The following FAT3 variants were observed in gnomAD, a reference collection of about 807,000 sequenced individuals.
The protein encoded by FAT3 is protocadherin Fat 3.
Under a neutral mutation model 310.2 loss-of-function variants are expected in FAT3, and 95 were observed. That is an observed-to-expected ratio of 0.31 (90% confidence interval 0.26 to 0.36). The LOEUF (loss-of-function observed/expected upper bound fraction) is 0.36, where lower values mean the gene tolerates loss of function less well. Ranked by LOEUF, FAT3 falls within the 10% of genes least tolerant of loss-of-function variation. The probability of loss-of-function intolerance (pLI) is 1.00; values close to 1 mark genes in which losing one functional copy is unlikely to be tolerated. For missense variants in FAT3, 5,408 were observed against 5,715.6 expected, an observed-to-expected ratio of 0.95 and a Z score of 1.74; for synonymous variants, 2,314 against 2,192.9, an observed-to-expected ratio of 1.06 and a Z score of -1.54.
Position 92,806,487 on chromosome 11 carries a change from C to A in FAT3, c.9219C>A (p.Asn3073Lys). The change falls in exon 12 of 28, where the codon AAC becomes AAA. Residue 3073 changes from asparagine (N) to lysine (K), a missense_variant. This residue lies in a region of FAT3 where 4,588 missense variants were observed against 4,809.8 expected (regional missense o/e 0.95). Transcript: ENST00000525166. ...GATACTCACTCTATGGATCTGGAAA[C>A]AGTGAATTTTTTCTAGATCCAGAAA... ...YIRYSLYGSG[N>K]SEFFLDPESG... is the part of the protein sequence containing the mutation. 6.4e-7 allele frequency: 1 copy of A among 1,553,612 alleles called. No individual in the cohort carries two copies. The highest frequency in any genetic ancestry group is 8.7e-7 in the Non-Finnish European group (1 of 1,145,574).
intron 1 of FAT3, among the ~76,000 whole-genome samples, chr11:92,329,257 G>A (rs1013319460): frequency 2.0e-5 from 3 of 151,950 alleles, no homozygotes; most frequent in Non-Finnish European, 4.4e-5. Context: ...GGGTCATGGG[G>A]GTGGGTCCTT....
chr11:92,728,508 G>A (rs1945067467), intron 4 of FAT3, among the ~76,000 whole-genome samples: 1 of 152,156 alleles, frequency 6.6e-6, no homozygotes, highest in Non-Finnish European at 1.5e-5. Flanking sequence ...CCAGGTTTTG[G>A]TGGGGTTTTT....
intron 4 of FAT3, among the ~76,000 whole-genome samples, chr11:92,746,817 A>G (rs1176758258): frequency 3.3e-5 from 5 of 152,220 alleles, no homozygotes; most frequent in Non-Finnish European, 7.3e-5. Context: ...CCAATAGGGT[A>G]GTCATTAAAT....
chr11:92,226,420 C>T (rs1395731773), intron 1 of FAT3, among the ~76,000 whole-genome samples: 1 of 150,368 alleles, frequency 6.7e-6, no homozygotes, highest in East Asian at 2.0e-4. Flanking sequence ...GTGGCGGGGG[C>T]GTGCTTGGGG....
Position 92,799,558 on chromosome 11 carries a change from C to T in FAT3, c.6545C>T (p.Ala2182Val). Reference sequence around the variant, plus strand: ...CTTCCCATCACTATTGTCAACAAAGCAATGCCTGTGTTTGATAAGCCCTTT... The same window carrying T: ...CTTCCCATCACTATTGTCAACAAAGTAATGCCTGTGTTTGATAAGCCCTTT... Reference protein sequence around the residue: ...VELPITIVNKAMPVFDKPFYT... With the variant: ...VELPITIVNKVMPVFDKPFYT... The change falls in exon 10 of 28, where the codon GCA becomes GTA. Residue 2182 changes from alanine to valine, a missense_variant. Coordinates refer to ENST00000525166, the MANE Select transcript of FAT3 (RefSeq NM_001367949.2). 1 of 1,613,784 alleles carries T rather than the reference C, an allele frequency of 6.2e-7. No individual in the cohort carries two copies. The highest frequency in any genetic ancestry group is 8.5e-7 in the Non-Finnish European group (1 of 1,179,848).
chr11:92,835,546 CA>C (rs952478971), intron 15 of FAT3, among the ~76,000 whole-genome samples: 55 of 152,086 alleles, frequency 3.6e-4, no homozygotes, highest in Middle Eastern at 6.8e-3. Flanking sequence ...GTTCTTACCA[CA>C]AAAAATGCTA....
chr11:92,504,349 T>C (rs1035595243), intron 2 of FAT3, among the ~76,000 whole-genome samples: 4 of 152,144 alleles, frequency 2.6e-5, no homozygotes, highest in Non-Finnish European at 5.9e-5. Flanking sequence ...TTTGTTTAAG[T>C]AGCATTTGAA....
At chr11:92,384,536 GT>G (rs1187994719) in intron 2 of FAT3, among the ~76,000 whole-genome samples, 1 of 152,112 alleles carries the variant, frequency 6.6e-6, no homozygotes, top group Non-Finnish European at 1.5e-5. Flanking sequence ...CCCATGATGT[GT>G]TGATTCATTG....
At chr11:92,561,846 G>A (rs990267770) in intron 3 of FAT3, among the ~76,000 whole-genome samples, 3 of 151,926 alleles carry the variant, frequency 2.0e-5, no homozygotes, top group African/African-American at 4.8e-5. Context: ...CGCTGATCTC[G>A]AACACCTGGC....
intron 2 of FAT3, among the ~76,000 whole-genome samples, chr11:92,471,035 A>G (rs1037230232): frequency 1.3e-5 from 2 of 152,126 alleles, no homozygotes; most frequent in Admixed American, 6.6e-5. Flanking sequence ...CTTCTGTAAC[A>G]TTAGTTTTAA....
chr11:92,408,417 A>G (rs1265129629), intron 2 of FAT3, among the ~76,000 whole-genome samples: 1 of 151,948 alleles, frequency 6.6e-6, no homozygotes, highest in Non-Finnish European at 1.5e-5. Context: ...TTCTTTCTCA[A>G]CTCAGCTTCT....
chr11:92,501,037 T>C (rs980620723), intron 2 of FAT3, among the ~76,000 whole-genome samples: 9 of 152,036 alleles, frequency 5.9e-5, no homozygotes, highest in African/African-American at 1.9e-4. Flanking sequence ...GCAGGAAAAT[T>C]GGATGACAGC....
At chr11:92,704,091 T>C (rs1944187460) in intron 4 of FAT3, among the ~76,000 whole-genome samples, 1 of 152,176 alleles carries the variant, frequency 6.6e-6, no homozygotes, top group African/African-American at 2.4e-5. Context: ...TGTGGCAAAT[T>C]GAATCATCTT....
chr11:92,839,242 G>A (rs34182465), intron 17 of FAT3, among the ~76,000 whole-genome samples: 60,798 of 152,086 alleles, frequency 0.4, 12,285 homozygotes, highest in East Asian at 0.46. Context: ...GCCCCTATCC[G>A]CAGGGCAGGC....
At chr11:92,740,307 T>C (rs1034131792) in intron 4 of FAT3, among the ~76,000 whole-genome samples, 1 of 152,240 alleles carries the variant, frequency 6.6e-6, no homozygotes, top group African/African-American at 2.4e-5. Flanking sequence ...TACACATTTT[T>C]AATTGACTCC....
intron 14 of FAT3, among the ~76,000 whole-genome samples, chr11:92,832,303 T>C (rs943791863): frequency 6.6e-6 from 1 of 152,162 alleles, no homozygotes; most frequent in Non-Finnish European, 1.5e-5. Flanking sequence ...GCCATTGCAC[T>C]GCAGCCTGGG....
intron 3 of FAT3, among the ~76,000 whole-genome samples, chr11:92,544,131 G>A (rs971880116): frequency 1.3e-5 from 2 of 152,058 alleles, no homozygotes; most frequent in African/African-American, 4.8e-5. Context: ...CAAATTATTG[G>A]TTCTGTTTTG....
chr11:92,232,117 T>C (rs1392110437), intron 1 of FAT3, among the ~76,000 whole-genome samples: 1 of 152,168 alleles, frequency 6.6e-6, no homozygotes, highest in East Asian at 1.9e-4. Flanking sequence ...AGGGTGGATT[T>C]TGCAGCTAGG....
rs1485180522 is a variant in FAT3 at position 92,798,218 on chromosome 11, C to G, written c.5205C>G (p.Ser1735=). Residue 1735 remains serine, a synonymous_variant, in exon 10 of 28, where the codon TCC becomes TCG. Coordinates refer to ENST00000525166, the MANE Select transcript of FAT3 (RefSeq NM_001367949.2). ...AGGCCCTGGATTATGAGCGCACATC[C>G]TCTTATCAACTCATCATTCAGGCCA... ...TQKALDYERT[S]SYQLIIQATN... is the part of the protein sequence containing the mutation. 2 of 1,613,790 alleles carry G rather than the reference C, an allele frequency of 1.2e-6. No individual in the cohort carries two copies. The highest frequency in any genetic ancestry group is 1.3e-5 in the African/African-American group (1 of 74,906).
Sources: gnomAD v4.1 joint callset for allele counts (sites outside exome capture counted in the v4.1 genomes callset) on GRCh38, gnomAD v4.1.1 for gene constraint, gnomAD v4.1.1 regional missense constraint, MANE v1.5 for transcripts, NCBI Gene and HGNC (gene_info 2026-07-23, HGNC 2026-07-21) for gene names.